Variants in CNTNAP2 observed in about 807,000 individuals in gnomAD.
CNTNAP2 encodes contactin associated protein 2, also known as contactin-associated protein-like 2.
In CNTNAP2, 98 loss-of-function variants were observed where a neutral mutation model predicts 155.2. The ratio of observed to expected loss-of-function variants is 0.63; its 90% confidence interval spans 0.54 to 0.75. The LOEUF is 0.75. CNTNAP2 is among the 30% of genes least tolerant of loss of function. CNTNAP2 has a pLI of 0.00. For missense variants in CNTNAP2, 1,727 were observed against 1,688.1 expected, an observed-to-expected ratio of 1.02 and a Z score of -0.40; for synonymous variants, 651 against 631.2, an observed-to-expected ratio of 1.03 and a Z score of -0.47.
intron 3 of CNTNAP2, among the ~76,000 whole-genome samples, chr7:146,954,647 G>GT (rs1160462850): frequency 2.4e-4 from 36 of 150,638 alleles, no homozygotes; most frequent in Admixed American, 1.7e-3. Flanking sequence ...ATATCTTTTT[G>GT]TTTTTTTGCA....
At chr7:147,648,162 T>C (rs1554417112) in intron 13 of CNTNAP2, among the ~76,000 whole-genome samples, 8 of 152,170 alleles carry the variant, frequency 5.3e-5, no homozygotes. Flanking sequence ...GAGTTGTAAG[T>C]AAATTTATAA....
chr7:147,042,947 T>C (rs952285807), intron 3 of CNTNAP2, among the ~76,000 whole-genome samples: 11 of 152,158 alleles, frequency 7.2e-5, no homozygotes, highest in Admixed American at 6.5e-5. Context: ...TTGTCTATTA[T>C]AGGGACATTT....
chr7:147,236,547 C>T (rs1175123155), intron 8 of CNTNAP2, among the ~76,000 whole-genome samples: 2 of 150,098 alleles, frequency 1.3e-5, no homozygotes, highest in East Asian at 2.0e-4. Context: ...TCTCACTTGT[C>T]GTATTCCTTC....
At chr7:146,690,100 A>C (rs989347563) in intron 1 of CNTNAP2, among the ~76,000 whole-genome samples, 1 of 152,124 alleles carries the variant, frequency 6.6e-6, no homozygotes, top group Non-Finnish European at 1.5e-5. Context: ...TCACATAATT[A>C]CAGGAAATTT....
intron 13 of CNTNAP2, among the ~76,000 whole-genome samples, chr7:147,762,591 A>T (rs891856421): frequency 1.3e-5 from 2 of 151,762 alleles, no homozygotes; most frequent in African/African-American, 4.9e-5. Flanking sequence ...GTTCCAGGCA[A>T]TTAATTAACT....
chr7:146,763,820 A>G (rs1396072616), intron 1 of CNTNAP2, among the ~76,000 whole-genome samples: 6 of 152,208 alleles, frequency 3.9e-5, no homozygotes, highest in African/African-American at 1.2e-4. Flanking sequence ...CTATCATGCC[A>G]TAAACATTTG....
chr7:147,803,788 C>T (rs767871667), intron 13 of CNTNAP2, among the ~76,000 whole-genome samples: 34 of 152,308 alleles, frequency 2.2e-4, no homozygotes, highest in Admixed American at 5.2e-4. Flanking sequence ...TCTGCAGGAA[C>T]CACACAGAGA....
rs201882499 is a variant in CNTNAP2, at chr7:146,214,259, C to CT, written c.97+97293dup. The stretch of plus-strand genomic sequence containing the variant: ...GACTAAATAAGATCATGTAAATGCT[C>CT]TTTTTTTGCAAAGTATGTGCTTAAA... On this transcript the variant is annotated intron_variant, in intron 1 of 23. Coordinates refer to ENST00000361727, the MANE Select transcript of CNTNAP2 (RefSeq NM_014141.6). 5.3e-3 allele frequency among the ~76,000 whole-genome samples: 806 copies of CT among 152,206 alleles called. 6 individuals carry two copies. The highest frequency in any genetic ancestry group is 0.018 in the African/African-American group (756 of 41,520).
At chr7:146,795,811 G>T (rs892236061) in intron 2 of CNTNAP2, among the ~76,000 whole-genome samples, 2 of 152,168 alleles carry the variant, frequency 1.3e-5, no homozygotes, top group African/African-American at 4.8e-5. Context: ...CCAGAAAAAT[G>T]CCTGCTCATG....
chr7:146,169,855 A>G (rs1798363536), intron 1 of CNTNAP2, among the ~76,000 whole-genome samples: 1 of 151,082 alleles, frequency 6.6e-6, no homozygotes, highest in African/African-American at 2.4e-5. Context: ...TTCTTTATTC[A>G]TTTATTCGTG....
In CNTNAP2 at chr7:147,356,179, A is replaced by G. The variant is rs567912166; in HGVS notation, c.1499-39430A>G. 7.9e-5 allele frequency among the ~76,000 whole-genome samples: 12 copies of G among 152,346 alleles called. No individual in the cohort carries two copies. In the East Asian group the frequency reaches 1.7e-3, roughly 22 times the overall value. ...CCATCACATAAACAGAACCAAAGAC[A>G]AAAACTACATGATTATCTTAATAGA... On this transcript the variant is annotated intron_variant, in intron 9 of 23. Transcript: ENST00000361727.
At position 147,522,259 on chromosome 7, in the gene CNTNAP2, G is replaced by A. The variant is rs539961504; in HGVS notation, c.1777+36218G>A. Among the ~76,000 whole-genome samples, 35 of 152,196 alleles carry A rather than the reference G, an allele frequency of 2.3e-4. No individual in the cohort carries two copies. The South Asian group carries it at 6.2e-3, about 27-fold the overall frequency. On this transcript the variant is annotated intron_variant, in intron 11 of 23. Transcript: ENST00000361727. ...CAACATATGAACTTGGAGGACACAC[G>A]AATATTCTGACCATAGCATATACTT...
At chr7:148,359,846 G>T (rs1798583319) in intron 21 of CNTNAP2, among the ~76,000 whole-genome samples, 1 of 151,926 alleles carries the variant, frequency 6.6e-6, no homozygotes. Context: ...TGTTTAGTTT[G>T]GGATATTCAG....
intron 11 of CNTNAP2, among the ~76,000 whole-genome samples, chr7:147,528,509 A>G (rs1363985016): frequency 2.6e-5 from 4 of 152,190 alleles, no homozygotes; most frequent in Admixed American, 1.3e-4. Flanking sequence ...TTTACACACA[A>G]CACTCACAGA....
intron 15 of CNTNAP2, among the ~76,000 whole-genome samples, chr7:148,100,062 G>A (rs1319513400): frequency 6.6e-6 from 1 of 151,682 alleles, no homozygotes; most frequent in Non-Finnish European, 1.5e-5. Context: ...AGTAGAGACG[G>A]GGTTTCACCA....
At chr7:147,060,639 G>A (rs111631195) in intron 4 of CNTNAP2, among the ~76,000 whole-genome samples, 18,663 of 152,024 alleles carry the variant, frequency 0.12, 1,355 homozygotes, top group Middle Eastern at 0.2. Context: ...CGAGGCGGGC[G>A]GATCACGAGG....
intron 1 of CNTNAP2, among the ~76,000 whole-genome samples, chr7:146,126,754 G>A (rs1286023132): frequency 2.0e-5 from 3 of 152,202 alleles, no homozygotes; most frequent in African/African-American, 7.2e-5. Flanking sequence ...TTTCTTGAGA[G>A]TGCTGTTGAG....
Position 148,420,819 on chromosome 7 carries a change from C to A in CNTNAP2, c.*5203C>A, listed in dbSNP as rs900980842. 1.3e-5 allele frequency: 2 copies of A among 152,550 alleles called. No homozygotes were observed. Among genetic ancestry groups the A allele is most frequent in the African/African-American group, 4.8e-5 (2 of 41,410 alleles). 9.4% of individuals were successfully genotyped at this position (152,550 alleles called of 1,614,324 possible). The stretch of plus-strand genomic sequence containing the variant: ...TCTGTAAAGTCAAACAGGATTCCAT[C>A]CCCTGTGAAATAACACAAAATTTCA... On this transcript the variant is annotated 3_prime_UTR_variant, in exon 24 of 24. Coordinates refer to ENST00000361727, the MANE Select transcript of CNTNAP2 (RefSeq NM_014141.6).
intron 9 of CNTNAP2, among the ~76,000 whole-genome samples, chr7:147,381,903 A>G (rs949629820): frequency 6.6e-6 from 1 of 152,056 alleles, no homozygotes; most frequent in Admixed American, 6.6e-5. Flanking sequence ...CAACTAACAC[A>G]ATATAGTTAT....
Sources: gnomAD v4.1 joint callset for allele counts (sites outside exome capture counted in the v4.1 genomes callset) on GRCh38, gnomAD v4.1.1 for gene constraint, MANE v1.5 for transcripts, NCBI Gene and HGNC (gene_info 2026-07-23, HGNC 2026-07-21) for gene names.